The following RBM45 variants were observed in gnomAD, a reference collection of about 807,000 sequenced individuals.
RBM45 encodes RNA-binding protein 45.
In RBM45, 39 loss-of-function variants were observed where a neutral mutation model predicts 58.5. That is an observed-to-expected ratio of 0.67 (90% confidence interval 0.52 to 0.87). The LOEUF (loss-of-function observed/expected upper bound fraction) is 0.87. Ranked by LOEUF, RBM45 falls within the 40% of genes least tolerant of loss-of-function variation. RBM45 has a pLI of 0.00. For synonymous variants in RBM45, 193 were observed against 203.0 expected (o/e 0.95, Z 0.42); for missense variants, 481 against 581.6 (o/e 0.83, Z 1.78).
Position 178,123,858 on chromosome 2 carries a change from A to G in RBM45, c.1014A>G (p.Val338=), listed in dbSNP as rs1559080917. ...DLLRKMATQM[V]AAQLASMVWN... ...TTAGAAAAATGGCAACACAGATGGTAGCTGCACAGCTTGCATCAATGGTGT... is the reference window on the plus strand; with the variant it reads ...TTAGAAAAATGGCAACACAGATGGTGGCTGCACAGCTTGCATCAATGGTGT... The change falls in exon 7 of 10, where the codon GTA becomes GTG. Residue 338 remains valine, a synonymous_variant. Coordinates refer to ENST00000286070, the MANE Select transcript of RBM45 (RefSeq NM_152945.4). 1 of 1,614,068 alleles carries G rather than the reference A, an allele frequency of 6.2e-7. No homozygotes were observed. Among genetic ancestry groups the G allele is most frequent in the Non-Finnish European group, 8.5e-7 (1 of 1,179,950 alleles).
chr2:178,132,246 CTA>C (rs1426519493), downstream of RBM45, among the ~76,000 whole-genome samples: 4 of 152,270 alleles, frequency 2.6e-5, no homozygotes, highest in Admixed American at 1.3e-4. Context: ...ATGTTCCAAA[CTA>C]TGTTCCTTGA....
intron 5 of RBM45, among the ~76,000 whole-genome samples, chr2:178,122,197 G>A (rs1418056200): frequency 6.6e-6 from 1 of 152,182 alleles, no homozygotes; most frequent in East Asian, 1.9e-4. Context: ...CTTAATGCAA[G>A]TTCTGGCATG....
intron 5 of RBM45, 128 bp from the exon 6 acceptor site, chr2:178,123,394 C>G (rs528012263): frequency 2.3e-6 from 2 of 887,566 alleles, no homozygotes; most frequent in Middle Eastern, 3.9e-4. Flanking sequence ...CTGATACATT[C>G]GATTCTGTAT....
exon 4 of RBM45, chr2:178,136,844 G>A (rs1399560616): frequency 6.6e-6 from 1 of 152,148 alleles, no homozygotes; most frequent in South Asian, 2.1e-4. Context: ...ACTTACTTAA[G>A]TAAGCTGTGG....
At position 178,123,891 on chromosome 2, in the gene RBM45, C is replaced by T; in HGVS notation, c.1047C>T (p.Asn349=). The part of the protein sequence containing the change: ...AAQLASMVWN[N]PSQQQFMQFG... ...AGCTTGCATCAATGGTGTGGAATAA[C>T]CCAAGTCAGCAACAATTTATGGTAA... is the stretch of plus-strand genomic sequence containing the variant. The change falls in exon 7 of 10, where the codon AAC becomes AAT. Residue 349 remains asparagine (N), a synonymous_variant. Transcript: ENST00000286070. 1 of 1,613,958 alleles carries T rather than the reference C, an allele frequency of 6.2e-7. No homozygotes were observed. The highest frequency in any genetic ancestry group is 1.3e-5 in the African/African-American group (1 of 75,022).
intron 1 of RBM45, 89 bp from the exon 2 acceptor site, chr2:178,116,173 C>T (rs2087773962): frequency 3.5e-6 from 5 of 1,416,472 alleles, no homozygotes; most frequent in Admixed American, 2.6e-5. Flanking sequence ...AAAAAAAAGT[C>T]ATTGCAAGAA....
chr2:178,112,781 G>C lies in RBM45; in HGVS notation c.235G>C (p.Ala79Pro). Residue 79 changes from alanine to proline, a missense_variant, in exon 1 of 10, where the codon GCC (alanine) becomes CCC (proline). Coordinates refer to ENST00000286070, the MANE Select transcript of RBM45 (RefSeq NM_152945.4). Reference protein sequence around the residue: ...AFVKFARSSQACRAMEEMHGQ... With the variant: ...AFVKFARSSQPCRAMEEMHGQ... ...CGTCAAGTTCGCCCGCAGCTCACAG[G>C]CCTGCAGGGCCATGGAGGAGATGCA... 1 of 1,613,978 alleles carries C rather than the reference G, an allele frequency of 6.2e-7. No homozygotes were observed. Among genetic ancestry groups the C allele is most frequent in the Non-Finnish European group, 8.5e-7 (1 of 1,180,026 alleles).
intron 1 of RBM45, among the ~76,000 whole-genome samples, chr2:178,113,274 A>T (rs1041669146): frequency 9.2e-5 from 14 of 151,594 alleles, no homozygotes; most frequent in Non-Finnish European, 1.8e-4. Context: ...ACTTTTCCTC[A>T]GGTACAGATG....
Sources: allele counts gnomAD v4.1 joint callset (sites outside exome capture counted in the v4.1 genomes callset), GRCh38; gene constraint gnomAD v4.1.1; transcripts MANE v1.5; gene names NCBI Gene and HGNC (gene_info 2026-07-23, HGNC 2026-07-21).